PRKAG2: variants seen among roughly 807,000 people sequenced by gnomAD.
PRKAG2 encodes the protein 5'-AMP-activated protein kinase subunit gamma-2.
A neutral mutation model predicts 69.6 loss-of-function variants in PRKAG2; 26 were observed. The observed-to-expected ratio is 0.37, with a 90% CI of 0.27 to 0.52. The LOEUF (loss-of-function observed/expected upper bound fraction) is 0.52, where lower values mean the gene tolerates loss of function less well. Ranked by LOEUF, PRKAG2 falls within the 20% of genes least tolerant of loss-of-function variation. PRKAG2 has a pLI of 0.90. For synonymous variants in PRKAG2, 293 were observed against 285.0 expected (o/e 1.03, Z -0.28); for missense variants, 557 against 740.0 (o/e 0.75, Z 2.87).
chr7:151,694,790 A>G (rs190279799), intron 3 of PRKAG2, among the ~76,000 whole-genome samples: 5 of 152,284 alleles, frequency 3.3e-5, no homozygotes, highest in Admixed American at 2.0e-4. Context: ...TCCTGTGGTG[A>G]CAGCAACTAT....
intron 3 of PRKAG2, among the ~76,000 whole-genome samples, chr7:151,689,701 G>T (rs1429986571): frequency 6.6e-6 from 1 of 152,178 alleles, no homozygotes; most frequent in East Asian, 1.9e-4. Flanking sequence ...GCAGCCGGCT[G>T]CCATGGGACT....
At chr7:151,712,228 G>A (rs1158219873) in intron 3 of PRKAG2, among the ~76,000 whole-genome samples, 1 of 152,232 alleles carries the variant, frequency 6.6e-6, no homozygotes. Flanking sequence ...GAGCTCTGAG[G>A]AGTGTGAACA....
chr7:151,673,315 G>A (rs1180414720), intron 4 of PRKAG2, among the ~76,000 whole-genome samples: 4 of 152,072 alleles, frequency 2.6e-5, no homozygotes, highest in African/African-American at 7.2e-5. Context: ...TTTCTAGAAG[G>A]TTCTCCCTTC....
intron 1 of PRKAG2, among the ~76,000 whole-genome samples, chr7:151,833,486 G>C (rs2079083187): frequency 6.6e-6 from 1 of 152,198 alleles, no homozygotes; most frequent in Non-Finnish European, 1.5e-5. Context: ...GATGGTGCGG[G>C]TGAGAGACAG....
chr7:151,623,554 C>G (rs1822080702), intron 5 of PRKAG2, among the ~76,000 whole-genome samples: 1 of 152,062 alleles, frequency 6.6e-6, no homozygotes. Context: ...CGATTCCTAA[C>G]AGTAGTGGTC....
intron 4 of PRKAG2, among the ~76,000 whole-genome samples, chr7:151,646,690 ACT>A (rs1827618188): frequency 6.6e-6 from 1 of 152,284 alleles, no homozygotes; most frequent in African/African-American, 2.4e-5. Context: ...ATTATACATA[ACT>A]CTGATTCTTA....
intron 3 of PRKAG2, among the ~76,000 whole-genome samples, chr7:151,684,286 G>A (rs116796297): frequency 0.061 from 9,300 of 152,218 alleles, 719 homozygotes; most frequent in African/African-American, 0.18. Flanking sequence ...CCAGCTGAAT[G>A]TCCTTGTTTC....
At chr7:151,710,597 T>C (rs1795134833) in intron 3 of PRKAG2, among the ~76,000 whole-genome samples, 1 of 152,176 alleles carries the variant, frequency 6.6e-6, no homozygotes, top group Non-Finnish European at 1.5e-5. Context: ...CTCTTGCATC[T>C]CTCCCAGGGC....
intron 4 of PRKAG2, among the ~76,000 whole-genome samples, chr7:151,637,651 T>C (rs73480022): frequency 0.15 from 22,868 of 151,944 alleles, 2,082 homozygotes; most frequent in African/African-American, 0.24. Flanking sequence ...TAAGAAATCT[T>C]ATGTTTTCTT....
intron 9 of PRKAG2, among the ~76,000 whole-genome samples, chr7:151,571,262 AG>A (rs1275951524): frequency 4.7e-5 from 7 of 147,774 alleles, no homozygotes; most frequent in Non-Finnish European, 7.5e-5. Context: ...TAGTAGAGAC[AG>A]GGTTTCACCA....
At chr7:151,859,646 C>T (rs543392594) in intron 1 of PRKAG2, among the ~76,000 whole-genome samples, 49 of 152,338 alleles carry the variant, frequency 3.2e-4, no homozygotes, top group African/African-American at 7.5e-4. Flanking sequence ...CTGCCAGCCA[C>T]AGCCCACAGT....
At chr7:151,800,676 G>T (rs79908002) in intron 1 of PRKAG2, among the ~76,000 whole-genome samples, 1 of 152,214 alleles carries the variant, frequency 6.6e-6, no homozygotes, top group East Asian at 1.9e-4. Flanking sequence ...GTGAGGGAGG[G>T]AGGGAAGGGC....
chr7:151,783,122 G>A (rs994729255), intron 2 of PRKAG2, among the ~76,000 whole-genome samples: 61 of 152,326 alleles, frequency 4.0e-4, no homozygotes, highest in African/African-American at 1.4e-3. Flanking sequence ...CAAGCCCCGA[G>A]CCCGCGGCCC....
At chr7:151,586,425 AATCT>A (rs1434547562) in intron 6 of PRKAG2, among the ~76,000 whole-genome samples, 2 of 152,172 alleles carry the variant, frequency 1.3e-5, no homozygotes, top group African/African-American at 4.8e-5. Context: ...CTTTTTGAGA[AATCT>A]ATCTGCTCTT....
chr7:151,740,931 T>C (rs925638416), intron 3 of PRKAG2, among the ~76,000 whole-genome samples: 2 of 152,236 alleles, frequency 1.3e-5, no homozygotes, highest in African/African-American at 4.8e-5. Context: ...TGCTGTTAAA[T>C]ATGGTAGCCC....
intron 3 of PRKAG2, among the ~76,000 whole-genome samples, chr7:151,729,274 T>G (rs1203201887): frequency 6.6e-6 from 1 of 152,078 alleles, no homozygotes. Context: ...CTGGCTACAG[T>G]GTCCGAAACC....
chr7:151,796,309 G>C (rs2151832151), intron 1 of PRKAG2, among the ~76,000 whole-genome samples: 1 of 152,220 alleles, frequency 6.6e-6, no homozygotes, highest in South Asian at 2.1e-4. Context: ...CTTTGCCCAG[G>C]GCCCAGTGAG....
chr7:151,767,763 G>A (rs77971623), intron 3 of PRKAG2, among the ~76,000 whole-genome samples: 29 of 152,356 alleles, frequency 1.9e-4, no homozygotes, highest in African/African-American at 6.7e-4. Context: ...ACTCTGTGAC[G>A]TGAGTCATTA....
At chr7:151,844,822 T>C (rs924051545) in intron 1 of PRKAG2, among the ~76,000 whole-genome samples, 1 of 152,208 alleles carries the variant, frequency 6.6e-6, no homozygotes, top group African/African-American at 2.4e-5. Flanking sequence ...CAGTAAGTAT[T>C]TACTGGATGA....
Sources: allele counts gnomAD v4.1 joint callset (sites outside exome capture counted in the v4.1 genomes callset), GRCh38; gene constraint gnomAD v4.1.1; transcripts MANE v1.5; gene names NCBI Gene and HGNC (gene_info 2026-07-23, HGNC 2026-07-21).